Variants in TMEM33 observed in about 807,000 individuals in gnomAD.
TMEM33 encodes transmembrane protein 33.
In TMEM33, 16 loss-of-function variants were observed where a neutral mutation model predicts 29.7. That is an observed-to-expected ratio of 0.54 (90% CI 0.36 to 0.82). The LOEUF is 0.82. TMEM33 is among the 40% of genes least tolerant of loss of function. The pLI is 0.00. For synonymous variants in TMEM33, 112 were observed against 109.4 expected (o/e 1.02, Z -0.15); for missense variants, 252 against 295.3 (o/e 0.85, Z 1.08).
Position 41,958,647 on chromosome 4 carries a change from A to G in TMEM33, c.*4448A>G, listed in dbSNP as rs2153128723. On this transcript the variant is annotated 3_prime_UTR_variant, in exon 7 of 7. Coordinates refer to ENST00000504986, the MANE Select transcript of TMEM33 (RefSeq NM_018126.3). Reference sequence around the variant, plus strand: ...TTGTAGATATTATATGAGGAATGGCACCTAGATTTGAAAATTATGCTTGGC... The same window carrying G: ...TTGTAGATATTATATGAGGAATGGCGCCTAGATTTGAAAATTATGCTTGGC... The G allele has an allele frequency of 6.7e-6, 1 of 150,266 alleles. No individual in the cohort carries two copies. Among genetic ancestry groups the G allele is most frequent in the African/African-American group, 2.5e-5 (1 of 40,702 alleles). The allele number at this position is 150,266 out of a possible 1,614,324, so 9.3% of individuals were successfully genotyped here.
intron 3 of TMEM33, among the ~76,000 whole-genome samples, chr4:41,943,176 C>G (rs1175031589): frequency 6.6e-6 from 1 of 152,122 alleles, no homozygotes; most frequent in African/African-American, 2.4e-5. Flanking sequence ...TACATTGTTA[C>G]CCAGTAGAAA....
Position 41,954,085 on chromosome 4 carries a change from A to G in TMEM33, c.630A>G (p.Glu210=). The G allele has an allele frequency of 1.2e-6, 2 of 1,613,864 alleles. No individual in the cohort carries two copies. Among genetic ancestry groups the G allele is most frequent in the Non-Finnish European group, 1.7e-6 (2 of 1,179,800 alleles). The part of the protein sequence containing the change: ...RNPYCRTLFN[E]LRIVVEHIIM... ...TGTCTTGCAGGACCTTATTTAATGA[A>G]CTGAGGATTGTTGTTGAACACATAA... Residue 210 remains glutamate (E), a synonymous_variant, in exon 7 of 7, where the codon GAA becomes GAG. Transcript: ENST00000504986.
intron 5 of TMEM33, among the ~76,000 whole-genome samples, chr4:41,948,553 T>A (rs576599177): frequency 6.0e-4 from 92 of 152,158 alleles, no homozygotes; most frequent in African/African-American, 2.1e-3. Context: ...TCTTCCAATT[T>A]AAAAAAATAC....
intron 5 of TMEM33, among the ~76,000 whole-genome samples, chr4:41,948,027 T>C (rs1342530536): frequency 6.6e-6 from 1 of 152,196 alleles, no homozygotes; most frequent in African/African-American, 2.4e-5. Context: ...GTAATTTATG[T>C]GTTGTGATAT....
rs775984978 is a variant in TMEM33 at position 41,935,468 on chromosome 4, C to A, written c.-17C>A. On this transcript the variant is annotated 5_prime_UTR_variant, in exon 1 of 7. Coordinates refer to ENST00000504986, the MANE Select transcript of TMEM33 (RefSeq NM_018126.3). ...CTCTTCGCGGTTGCGGCGTCGCAGA[C>A]GCTAGTGTGAGCCCCCATGGCAGAT... 2 of 1,605,234 alleles carry A rather than the reference C, an allele frequency of 1.2e-6. No homozygotes were observed. The highest frequency in any genetic ancestry group is 2.2e-5 in the East Asian group (1 of 44,620).
Position 41,940,908 on chromosome 4 carries a change from A to G in TMEM33, c.328+1525A>G, listed in dbSNP as rs554550251. Among the ~76,000 whole-genome samples, 10 of 151,830 alleles carry G rather than the reference A, an allele frequency of 6.6e-5. No homozygotes were observed. In the South Asian group the frequency reaches 2.1e-3, roughly 32 times the overall value. Reference sequence around the variant, plus strand: ...TTTTAATAAAGATGCTGATTTGCTGATTGTCAGTATTCACTTCCCACACAT... The same window carrying G: ...TTTTAATAAAGATGCTGATTTGCTGGTTGTCAGTATTCACTTCCCACACAT... On this transcript the variant is annotated intron_variant, in intron 3 of 6. Coordinates refer to ENST00000504986, the MANE Select transcript of TMEM33 (RefSeq NM_018126.3).
rs1301833671 is a variant in TMEM33, at chr4:41,953,730, CATGAACTGCTTCATCTTAT to C, written c.615-337_615-319del. ...AAAGAGACCAATCAGGAATGGCCTT[CATGAACTGCTTCATCTTAT>C]ATTTGTGCAGTTTGTGGTGCCCCAA... On this transcript the variant is annotated intron_variant, in intron 6 of 6. Transcript: ENST00000504986. The C allele has an allele frequency of 8.7e-6, 4 of 458,664 alleles. No individual in the cohort carries two copies. The East Asian group carries it at 2.7e-4, about 31-fold the overall frequency. 28.4% of individuals were successfully genotyped at this position (458,664 alleles called of 1,614,324 possible).
chr4:41,935,463 G>A lies in TMEM33; in HGVS notation c.-22G>A. The A allele has an allele frequency of 1.9e-6, 3 of 1,602,386 alleles. No individual in the cohort carries two copies. Among genetic ancestry groups the A allele is most frequent in the Non-Finnish European group, 2.6e-6 (3 of 1,174,462 alleles). Reference sequence around the variant, plus strand: ...CTTCTCTCTTCGCGGTTGCGGCGTCGCAGACGCTAGTGTGAGCCCCCATGG... The same window carrying A: ...CTTCTCTCTTCGCGGTTGCGGCGTCACAGACGCTAGTGTGAGCCCCCATGG... On this transcript the variant is annotated 5_prime_UTR_variant, in exon 1 of 7. Transcript: ENST00000504986.
intron 6 of TMEM33, among the ~76,000 whole-genome samples, chr4:41,950,108 A>G (rs1354822055): frequency 6.6e-6 from 1 of 152,160 alleles, no homozygotes; most frequent in African/African-American, 2.4e-5. Context: ...TCGTCAGAAT[A>G]TTCTTCTGAT....
intron 3 of TMEM33, among the ~76,000 whole-genome samples, chr4:41,943,240 A>G (rs1712621354): frequency 1.3e-5 from 2 of 152,146 alleles, no homozygotes; most frequent in South Asian, 2.1e-4. Flanking sequence ...AGAACTGTGA[A>G]TTGGCCGGGC....
At chr4:41,951,061 A>G (rs544533930) in intron 6 of TMEM33, among the ~76,000 whole-genome samples, 1 of 86,450 alleles carries the variant, frequency 1.2e-5, no homozygotes, top group African/African-American at 2.5e-5. Flanking sequence ...TTTCAGTACT[A>G]CACTTTTTTT....
At chr4:41,938,476 A>G in intron 1 of TMEM33, 126 bp from the exon 2 acceptor site, 3 of 841,266 alleles carry the variant, frequency 3.6e-6, no homozygotes, top group Non-Finnish European at 5.7e-6. Flanking sequence ...GTTTTCACCT[A>G]ATGATCTAAA....
intron 6 of TMEM33, among the ~76,000 whole-genome samples, chr4:41,953,123 A>T (rs1250583233): frequency 2.0e-5 from 3 of 152,160 alleles, no homozygotes; most frequent in Non-Finnish European, 4.4e-5. Flanking sequence ...CCCATAAAAG[A>T]TGTAGGTGTT....
chr4:41,960,452 A>G lies in TMEM33; in HGVS notation c.*6253A>G, dbSNP rs1039856820. Reference sequence around the variant, plus strand: ...TTCACTGTATATGCTTTGTATGTCTAATATTTATTTCAATGCAAATTCAAT... The same window carrying G: ...TTCACTGTATATGCTTTGTATGTCTGATATTTATTTCAATGCAAATTCAAT... On this transcript the variant is annotated 3_prime_UTR_variant, in exon 7 of 7. Coordinates refer to ENST00000504986, the MANE Select transcript of TMEM33 (RefSeq NM_018126.3). 8 of 152,184 alleles carry G rather than the reference A, an allele frequency of 5.3e-5. No homozygotes were observed. The highest frequency in any genetic ancestry group is 1.5e-5 in the Non-Finnish European group (1 of 68,012). The allele number at this position is 152,184 out of a possible 1,614,324, so 9.4% of individuals were successfully genotyped here. A position where few individuals can be genotyped will look rare whatever the true frequency, so the allele number is the denominator to read the frequency against.
intron 1 of TMEM33, among the ~76,000 whole-genome samples, chr4:41,938,216 G>T (rs1023879501): frequency 6.6e-6 from 1 of 152,172 alleles, no homozygotes; most frequent in Non-Finnish European, 1.5e-5. Context: ...AGAGCAATTA[G>T]TTTTTGTTTA....
At chr4:41,941,452 G>GTAGGGTAAACTGAATACGT (rs1198871870) in intron 3 of TMEM33, among the ~76,000 whole-genome samples, 1 of 152,220 alleles carries the variant, frequency 6.6e-6, no homozygotes, top group African/African-American at 2.4e-5. Flanking sequence ...GTGTTTCAAT[G>GTAGGGTAAACTGAATACGT]TAGGGTAAAC....
intron 2 of TMEM33, 48 bp from the exon 3 acceptor site, chr4:41,939,148 C>CT (rs1477684470): frequency 1.3e-6 from 2 of 1,511,396 alleles, no homozygotes; most frequent in Non-Finnish European, 1.8e-6. Context: ...GGAAGAGACA[C>CT]TGCAGTTGTT....
chr4:41,939,551 A>T (rs1336804514), intron 3 of TMEM33, among the ~76,000 whole-genome samples, 168 bp downstream of exon 3: 1 of 152,254 alleles, frequency 6.6e-6, no homozygotes, highest in African/African-American at 2.4e-5. Context: ...AAAATGTGAA[A>T]TCTAAACTTT....
In TMEM33 at chr4:41,957,300, G is replaced by T; in HGVS notation, c.*3101G>T. The T allele has an allele frequency of 7.1e-6, 1 of 140,466 alleles. No homozygotes were observed. Among genetic ancestry groups the T allele is most frequent in the African/African-American group, 2.7e-5 (1 of 37,234 alleles). The allele number at this position is 140,466 out of a possible 1,614,324, so 8.7% of individuals were successfully genotyped here. Reference sequence around the variant, plus strand: ...TTTTTTTTTTGGAATGAAGTTCAGAGGTAGATCCTCCTGGAAGAAAGAAAG... The same window carrying T: ...TTTTTTTTTTGGAATGAAGTTCAGATGTAGATCCTCCTGGAAGAAAGAAAG... On this transcript the variant is annotated 3_prime_UTR_variant, in exon 7 of 7. Transcript: ENST00000504986.
Sources: allele counts gnomAD v4.1 joint callset (sites outside exome capture counted in the v4.1 genomes callset), GRCh38; gene constraint gnomAD v4.1.1; transcripts MANE v1.5; gene names NCBI Gene and HGNC (gene_info 2026-07-23, HGNC 2026-07-21).